The following ELMO1 variants were observed in gnomAD, a reference collection of about 807,000 sequenced individuals.
ELMO1 encodes engulfment and cell motility protein 1.
ELMO1 carries 26 observed loss-of-function variants against 98.9 expected under a neutral mutation model. The observed-to-expected ratio is 0.26, with a 90% CI of 0.19 to 0.36. ELMO1 has a LOEUF of 0.36. Among genes scored for constraint, ELMO1 ranks in the 10% least tolerant of loss-of-function variants. The pLI is 1.00. For synonymous variants in ELMO1, 346 were observed against 346.0 expected, an observed-to-expected ratio of 1.00 and a Z score of 0.00; for missense variants, 627 against 935.2, an observed-to-expected ratio of 0.67 and a Z score of 4.30.
chr7:37,159,848 G>A (rs571644608), intron 13 of ELMO1, among the ~76,000 whole-genome samples: 8 of 152,268 alleles, frequency 5.3e-5, no homozygotes, highest in African/African-American at 1.4e-4. Context: ...ATAAAGTCAC[G>A]TTTGAAGAAA....
chr7:37,385,588 T>G (rs2131400080), intron 1 of ELMO1, among the ~76,000 whole-genome samples: 1 of 152,354 alleles, frequency 6.6e-6, no homozygotes, highest in South Asian at 2.1e-4. Context: ...TGAAATCATC[T>G]CAGACATTTG....
In ELMO1 at chr7:37,033,770, A is replaced by T. The variant is rs187241148; in HGVS notation, c.1301-20335T>A. The stretch of plus-strand genomic sequence containing the variant: ...ACTAAGATCATCAGAATTGATCCCT[A>T]AAGAACTGCGAAGAGATGTGGAGGA... On this transcript the variant is annotated intron_variant, in intron 15 of 21. Coordinates refer to ENST00000310758, the MANE Select transcript of ELMO1 (RefSeq NM_014800.11). Among the ~76,000 whole-genome samples the T allele has an allele frequency of 4.9e-3, 749 of 152,314 alleles. 10 individuals carry two copies. The highest frequency in any genetic ancestry group is 0.017 in the African/African-American group (711 of 41,570).
intron 13 of ELMO1, among the ~76,000 whole-genome samples, chr7:37,147,842 A>T (rs1055848051): frequency 2.6e-5 from 4 of 151,714 alleles, no homozygotes; most frequent in African/African-American, 4.9e-5. Context: ...GAAAAAAAAA[A>T]AAAAGCCAGT....
intron 16 of ELMO1, among the ~76,000 whole-genome samples, chr7:36,960,553 T>C (rs1788850720): frequency 6.6e-6 from 1 of 152,062 alleles, no homozygotes; most frequent in Non-Finnish European, 1.5e-5. Context: ...GTTACCTCCT[T>C]GGAGAAACAA....
chr7:37,188,495 A>ATAATAATAATAATAAT (rs1554438141), intron 13 of ELMO1, among the ~76,000 whole-genome samples: 1 of 65,592 alleles, frequency 1.5e-5, no homozygotes, highest in African/African-American at 4.4e-5. Context: ...GGTAAAAAAA[A>ATAATAATAATAATAAT]AAAAAAAATA....
intron 2 of ELMO1, among the ~76,000 whole-genome samples, chr7:37,322,140 G>A (rs574618961): frequency 2.8e-4 from 42 of 151,640 alleles, no homozygotes; most frequent in Non-Finnish European, 2.5e-4. Context: ...TTACAGGCAT[G>A]AGCCACCACA....
At chr7:36,938,124 A>G (rs76359630) in intron 16 of ELMO1, among the ~76,000 whole-genome samples, 1,596 of 152,322 alleles carry the variant, frequency 0.01, 34 homozygotes, top group African/African-American at 0.036. Context: ...CACAGTCAAG[A>G]TGCTGGAATG....
intron 5 of ELMO1, chr7:37,271,073 G>A (rs2130853883): frequency 6.6e-6 from 1 of 152,186 alleles, no homozygotes; most frequent in African/African-American, 2.4e-5. Context: ...CCGAGTAGCT[G>A]GGACTACAGG....
At chr7:37,014,738 T>C (rs1424905923) in intron 15 of ELMO1, among the ~76,000 whole-genome samples, 1 of 152,032 alleles carries the variant, frequency 6.6e-6, no homozygotes, top group Non-Finnish European at 1.5e-5. Context: ...TCATTTGCTG[T>C]TGGAATCTCT....
intron 15 of ELMO1, among the ~76,000 whole-genome samples, chr7:37,030,834 C>T (rs1352829753): frequency 1.3e-5 from 2 of 152,190 alleles, no homozygotes; most frequent in Non-Finnish European, 2.9e-5. Flanking sequence ...GTAGCTTCTA[C>T]ATTCATAGAT....
chr7:36,976,861 G>A (rs1054707209), intron 16 of ELMO1, among the ~76,000 whole-genome samples: 3 of 152,176 alleles, frequency 2.0e-5, no homozygotes, highest in Admixed American at 2.0e-4. Flanking sequence ...CACCATTCAG[G>A]AGAATGAGCA....
intron 13 of ELMO1, among the ~76,000 whole-genome samples, chr7:37,163,133 T>A (rs548253089): frequency 2.6e-5 from 4 of 152,208 alleles, no homozygotes; most frequent in Admixed American, 6.5e-5. Context: ...CAGTTTCAGT[T>A]ACAAATACAG....
At chr7:37,036,520 C>T (rs1414905729) in intron 15 of ELMO1, among the ~76,000 whole-genome samples, 1 of 152,120 alleles carries the variant, frequency 6.6e-6, no homozygotes, top group Admixed American at 6.5e-5. Flanking sequence ...CAGGTAAGTG[C>T]CACCACATCA....
intron 15 of ELMO1, among the ~76,000 whole-genome samples, chr7:37,029,307 G>T (rs1344777506): frequency 6.6e-6 from 1 of 152,012 alleles, no homozygotes; most frequent in Non-Finnish European, 1.5e-5. Context: ...ACATATCAAA[G>T]ATTACCCCAG....
intron 4 of ELMO1, among the ~76,000 whole-genome samples, chr7:37,289,926 T>C (rs1797589135): frequency 6.6e-6 from 1 of 152,198 alleles, no homozygotes; most frequent in Non-Finnish European, 1.5e-5. Flanking sequence ...CTTTTCTCCT[T>C]TGGCCCTGGA....
chr7:37,447,824 G>A (rs1035087408), intron 1 of ELMO1, among the ~76,000 whole-genome samples: 5 of 149,728 alleles, frequency 3.3e-5, no homozygotes, highest in African/African-American at 1.2e-4. Context: ...CGGGACAGCT[G>A]AGTTCTGTAT....
rs1161787913 is a variant in ELMO1, at chr7:37,225,027, C to T, written c.553G>A (p.Ala185Thr). ...TFSVAFIKKI[A>T]SFVNKSAIDI... is the part of the protein sequence containing the mutation. Reference sequence around the variant, plus strand: ...ATGGCTGACTTGTTCACAAAACTTGCTATCTGAAAATCCAAGTGGGACACA... The same window carrying T: ...ATGGCTGACTTGTTCACAAAACTTGTTATCTGAAAATCCAAGTGGGACACA... The change falls in exon 9 of 22, where the codon GCA becomes ACA. Residue 185 changes from alanine to threonine, a missense_variant. Around this residue, in one of 3 missense-constraint regions of ELMO1, gnomAD observed 492 missense variants for 715.6 expected, o/e 0.69. Coordinates refer to ENST00000310758, the MANE Select transcript of ELMO1 (RefSeq NM_014800.11). The T allele has an allele frequency of 1.2e-6, 2 of 1,613,900 alleles. No homozygotes were observed. Among genetic ancestry groups the T allele is most frequent in the Non-Finnish European group, 1.7e-6 (2 of 1,179,960 alleles).
At chr7:37,128,140 C>G (rs372149929) in intron 14 of ELMO1, among the ~76,000 whole-genome samples, 40 of 152,272 alleles carry the variant, frequency 2.6e-4, no homozygotes, top group African/African-American at 9.4e-4. Flanking sequence ...CTGTGGTGAG[C>G]TGAAAATGCA....
At chr7:37,359,999 T>C (rs1801637237) in intron 1 of ELMO1, among the ~76,000 whole-genome samples, 1 of 152,158 alleles carries the variant, frequency 6.6e-6, no homozygotes, top group Non-Finnish European at 1.5e-5. Context: ...ATACTACCTC[T>C]GAGAGTCAGC....
Sources: allele counts gnomAD v4.1 joint callset (sites outside exome capture counted in the v4.1 genomes callset), GRCh38; gene constraint gnomAD v4.1.1; regional missense constraint gnomAD v4.1.1; transcripts MANE v1.5; gene names NCBI Gene and HGNC (gene_info 2026-07-23, HGNC 2026-07-21).